Variants in FBXL20 observed in about 807,000 individuals in gnomAD.
FBXL20 encodes the protein F-box and leucine rich repeat protein 20, also known as F-box/LRR-repeat protein 20.
FBXL20 carries 11 observed loss-of-function variants against 64.0 expected under a neutral mutation model. The ratio of observed to expected loss-of-function variants is 0.17; its 90% CI spans 0.11 to 0.28. The LOEUF is 0.28. FBXL20 is among the 10% of genes least tolerant of loss of function. The pLI, the probability that FBXL20 is intolerant of heterozygous loss-of-function variation, is 1.00. For missense variants in FBXL20, 303 were observed against 526.2 expected, an observed-to-expected ratio of 0.58 and a Z score of 4.15; for synonymous variants, 184 against 189.0, an observed-to-expected ratio of 0.97 and a Z score of 0.22.
Position 39,345,134 on chromosome 17 carries a change from C to T in FBXL20, c.43-1893G>A, listed in dbSNP as rs74347116. 9.2e-3 allele frequency among the ~76,000 whole-genome samples: 1,396 copies of T among 152,280 alleles called. 17 individuals are homozygous for T. The highest frequency in any genetic ancestry group is 0.032 in the African/African-American group (1,320 of 41,552). ...CTGCTATTAAGTATTGCAGAAATTC[C>T]TCTTAAGGTCATGCAATAAACATTA... On this transcript the variant is annotated intron_variant, in intron 1 of 14. Coordinates refer to ENST00000264658, the MANE Select transcript of FBXL20 (RefSeq NM_032875.3).
At chr17:39,381,669 T>G (rs931040625) in intron 1 of FBXL20, among the ~76,000 whole-genome samples, 4 of 151,716 alleles carry the variant, frequency 2.6e-5, no homozygotes, top group Admixed American at 2.0e-4. Context: ...TGTACACTTG[T>G]AGTCTTAGCT....
intron 2 of FBXL20, among the ~76,000 whole-genome samples, chr17:39,337,114 T>C (rs1445869443): frequency 6.6e-6 from 1 of 151,910 alleles, no homozygotes. Context: ...GCCTGCCGAG[T>C]GCCTGGGATT....
At chr17:39,383,545 G>A (rs577821534) in intron 1 of FBXL20, among the ~76,000 whole-genome samples, 3 of 151,174 alleles carry the variant, frequency 2.0e-5, no homozygotes, top group East Asian at 3.9e-4. Flanking sequence ...AAGAGGATCA[G>A]TGTTATAGGT....
At chr17:39,303,444 G>A in intron 3 of FBXL20, 141 bp downstream of exon 3, 1 of 603,580 alleles carries the variant, frequency 1.7e-6, no homozygotes, top group South Asian at 3.1e-5. Context: ...CATGGGTTTG[G>A]GTATGTCATT....
intron 6 of FBXL20, among the ~76,000 whole-genome samples, chr17:39,296,259 T>C (rs1214797563): frequency 6.6e-6 from 1 of 151,968 alleles, no homozygotes; most frequent in South Asian, 2.1e-4. Context: ...AATCAATCTA[T>C]AGGAATACTT....
At chr17:39,271,016 G>C (rs886097734) in intron 10 of FBXL20, among the ~76,000 whole-genome samples, 160 bp from the exon 11 acceptor site, 1 of 152,160 alleles carries the variant, frequency 6.6e-6, no homozygotes, top group African/African-American at 2.4e-5. Context: ...TACAGATCTT[G>C]CCATTCATTT....
At chr17:39,386,718 C>A (rs181508139) in intron 1 of FBXL20, among the ~76,000 whole-genome samples, 118 of 152,280 alleles carry the variant, frequency 7.7e-4, no homozygotes, top group Non-Finnish European at 1.5e-3. Context: ...TAAATACCTA[C>A]AAGTACTATG....
At position 39,272,432 on chromosome 17, in the gene FBXL20, G is replaced by A. The variant is rs150118893; in HGVS notation, c.828-1576C>T. Among the ~76,000 whole-genome samples the A allele has an allele frequency of 5.4e-4, 81 of 150,880 alleles. 1 individual carries two copies. The highest frequency in any genetic ancestry group is 1.9e-3 in the South Asian group (9 of 4,776). ...TTTTTTAATTCCAAGAGATGGCCAG[G>A]TGCGTTGACTCATGCCTGTAATCCC... On this transcript the variant is annotated intron_variant, in intron 10 of 14. Transcript: ENST00000264658.
At chr17:39,396,817 C>A (rs1054568233) in intron 1 of FBXL20, among the ~76,000 whole-genome samples, 1 of 151,572 alleles carries the variant, frequency 6.6e-6, no homozygotes, top group African/African-American at 2.4e-5. Context: ...ATTAGCCGGG[C>A]ATGGCAGCAG....
intron 2 of FBXL20, among the ~76,000 whole-genome samples, chr17:39,304,882 A>T (rs1199796717): frequency 6.6e-6 from 1 of 151,942 alleles, no homozygotes; most frequent in Non-Finnish European, 1.5e-5. Context: ...TCAGCCTACC[A>T]ACTAGCTGGG....
chr17:39,400,342 T>C (rs1229639464), intron 1 of FBXL20, among the ~76,000 whole-genome samples: 2 of 152,186 alleles, frequency 1.3e-5, no homozygotes, highest in Non-Finnish European at 2.9e-5. Context: ...CTGAACCTAG[T>C]TGTCGAGTTT....
Position 39,259,404 on chromosome 17 carries a change from G to A in FBXL20, c.*2056C>T, listed in dbSNP as rs1245826980. The A allele has an allele frequency of 6.6e-6, 1 of 152,040 alleles. No individual in the cohort carries two copies. Among genetic ancestry groups the A allele is most frequent in the Non-Finnish European group, 1.5e-5 (1 of 68,018 alleles). The allele number at this position is 152,040 out of a possible 1,614,324, so 9.4% of individuals were successfully genotyped here. A position where few individuals can be genotyped will look rare whatever the true frequency, so the allele number is the denominator to read the frequency against. ...TGGATTGCACATTAATGTCTCAAAG[G>A]ACACCCCCCGCCAAAATCACCCTAC... On this transcript the variant is annotated 3_prime_UTR_variant, in exon 15 of 15. Transcript: ENST00000264658.
intron 1 of FBXL20, among the ~76,000 whole-genome samples, chr17:39,372,840 G>A (rs369359231): frequency 4.0e-5 from 6 of 151,660 alleles, no homozygotes; most frequent in African/African-American, 1.5e-4. Context: ...GGTCAGGCTG[G>A]TCACAAACTC....
chr17:39,291,033 C>A (rs1258012752), intron 6 of FBXL20, among the ~76,000 whole-genome samples: 1 of 151,662 alleles, frequency 6.6e-6, no homozygotes, highest in African/African-American at 2.4e-5. Flanking sequence ...GCGATCTCGG[C>A]TCACTGCAAG....
chr17:39,300,503 G>T (rs1314347171), intron 4 of FBXL20, among the ~76,000 whole-genome samples: 1 of 152,184 alleles, frequency 6.6e-6, no homozygotes, highest in Non-Finnish European at 1.5e-5. Context: ...GGCAAAAAGT[G>T]AGAGGAGGAA....
chr17:39,264,392 A>G lies in FBXL20; in HGVS notation c.991-5T>C. 1 of 1,611,240 alleles carries G rather than the reference A, an allele frequency of 6.2e-7. No individual in the cohort carries two copies. Among genetic ancestry groups the G allele is most frequent in the African/African-American group, 1.3e-5 (1 of 75,010 alleles). ...CAGCTCACAGTGAGACAGACTCTGC[A>G]GCCAAATAGAGCAAGGAAGGATGTT... is the stretch of plus-strand genomic sequence containing the variant. On this transcript the variant is annotated splice_polypyrimidine_tract_variant and splice_region_variant and intron_variant, in intron 13 of 14. Transcript: ENST00000264658.
At chr17:39,262,881 A>T (rs750260905) in intron 14 of FBXL20, among the ~76,000 whole-genome samples, 162 of 152,018 alleles carry the variant, frequency 1.1e-3, no homozygotes, top group Non-Finnish European at 7.1e-4. Flanking sequence ...ATGCACCTGT[A>T]GTCCCAGCTA....
chr17:39,331,583 TTC>T (rs1186440226), intron 2 of FBXL20, among the ~76,000 whole-genome samples: 1 of 152,216 alleles, frequency 6.6e-6, no homozygotes, highest in Non-Finnish European at 1.5e-5. Context: ...TCCATGCCTG[TTC>T]TCTCTACTGC....
chr17:39,374,473 G>A (rs1414956869), intron 1 of FBXL20, among the ~76,000 whole-genome samples: 3 of 151,802 alleles, frequency 2.0e-5, no homozygotes, highest in Non-Finnish European at 2.9e-5. Context: ...CCTGGGAGGC[G>A]GAGGTTGCAG....
Sources: allele counts gnomAD v4.1 joint callset (sites outside exome capture counted in the v4.1 genomes callset), GRCh38; gene constraint gnomAD v4.1.1; transcripts MANE v1.5; gene names NCBI Gene and HGNC (gene_info 2026-07-23, HGNC 2026-07-21).